DST: variants seen among roughly 807,000 people sequenced by gnomAD.
DST encodes dystonin, also known as bullous pemphigoid antigen.
Under a neutral mutation model 875.2 loss-of-function variants are expected in DST, and 253 were observed. The ratio of observed to expected loss-of-function variants is 0.29; its 90% CI spans 0.26 to 0.32. DST has a LOEUF of 0.32. Ranked by LOEUF, DST falls within the 10% of genes least tolerant of loss-of-function variation. The pLI, the probability that DST is intolerant of heterozygous loss-of-function variation, is 1.00. For synonymous variants in DST, 3,124 were observed against 3,197.1 expected, an observed-to-expected ratio of 0.98 and a Z score of 0.77; for missense variants, 8,287 against 9,111.6, an observed-to-expected ratio of 0.91 and a Z score of 3.68.
At position 56,487,122 on chromosome 6, in the gene DST, C is replaced by G; in HGVS notation, c.21029G>C (p.Cys7010Ser). 6.2e-7 allele frequency: 1 copy of G among 1,613,920 alleles called. No homozygotes were observed. The highest frequency in any genetic ancestry group is 8.5e-7 in the Non-Finnish European group (1 of 1,179,850). The change falls in exon 87 of 104, where the codon TGT becomes TCT. Residue 7010 changes from cysteine (C) to serine (S), a missense_variant. Around this residue, in one of 10 missense-constraint regions of DST, gnomAD observed 1,292 missense variants for 1,552.7 expected, o/e 0.83. Coordinates refer to ENST00000680361, the MANE Select transcript of DST (RefSeq NM_001374736.1). ...SELRDKWDTI[C>S]GKSVERQNKL... ...ATTTTACCTTTCCACAGATTTTCCACATATGGTATCCCATTTGTCTCTGAG... is the reference window on the plus strand; with the variant it reads ...ATTTTACCTTTCCACAGATTTTCCAGATATGGTATCCCATTTGTCTCTGAG...
Position 56,619,072 on chromosome 6 carries a change from C to T in DST, c.4930-4588G>A, listed in dbSNP as rs370912424. On this transcript the variant is annotated intron_variant, in intron 36 of 103. Coordinates refer to ENST00000680361, the MANE Select transcript of DST (RefSeq NM_001374736.1). ...ATTCACTTACCAAATTTTGACTTTTCGCCAGGTCTTCTTCTAGGCATTTAA... is the reference window on the plus strand; with the variant it reads ...ATTCACTTACCAAATTTTGACTTTTTGCCAGGTCTTCTTCTAGGCATTTAA... 83 of 1,614,014 alleles carry T rather than the reference C, an allele frequency of 5.1e-5. No homozygotes were observed. Among genetic ancestry groups the T allele is most frequent in the Middle Eastern group, 1.7e-4 (1 of 6,060 alleles).
Position 56,705,116 on chromosome 6 carries a change from T to G in DST, c.688-747A>C, listed in dbSNP as rs1427451728. Among the ~76,000 whole-genome samples, 4 of 152,180 alleles carry G rather than the reference T, an allele frequency of 2.6e-5. No homozygotes were observed. In the East Asian group the frequency reaches 7.7e-4, roughly 29 times the overall value. Reference sequence around the variant, plus strand: ...CAAAAGCTTTGTTTAGCCTGCCAAGTAGGGATAGCTCTAGTAACCACATGG... The same window carrying G: ...CAAAAGCTTTGTTTAGCCTGCCAAGGAGGGATAGCTCTAGTAACCACATGG... On this transcript the variant is annotated intron_variant, in intron 5 of 103. Coordinates refer to ENST00000680361, the MANE Select transcript of DST (RefSeq NM_001374736.1).
intron 3 of DST, among the ~76,000 whole-genome samples, chr6:56,881,424 G>A (rs1033583218): frequency 1.3e-5 from 2 of 152,072 alleles, no homozygotes; most frequent in Non-Finnish European, 2.9e-5. Context: ...AGTGAGCCAA[G>A]ACCATGCCAT....
Position 56,616,413 on chromosome 6 carries a change from C to T in DST, c.4930-1929G>A, listed in dbSNP as rs200347043. ...AGGTTTCTCTGGAAAGCCTCATACA[C>T]GGTCAATTCTGATCCTGTTTTAGTA... On this transcript the variant is annotated intron_variant, in intron 36 of 103. Coordinates refer to ENST00000680361, the MANE Select transcript of DST (RefSeq NM_001374736.1). 59 of 1,613,946 alleles carry T rather than the reference C, an allele frequency of 3.7e-5. No individual in the cohort carries two copies. Among genetic ancestry groups the T allele is most frequent in the Middle Eastern group, 3.3e-4 (2 of 6,062 alleles).
chr6:56,871,035 A>C (rs2127609618), intron 3 of DST, among the ~76,000 whole-genome samples: 1 of 152,274 alleles, frequency 6.6e-6, no homozygotes, highest in African/African-American at 2.4e-5. Context: ...AAAAACATAC[A>C]AACAACCAAA....
At chr6:56,881,106 C>T (rs947607961) in intron 3 of DST, among the ~76,000 whole-genome samples, 1 of 152,054 alleles carries the variant, frequency 6.6e-6, no homozygotes, top group Non-Finnish European at 1.5e-5. Context: ...GCCTCGGTCT[C>T]CCGAAGTGCT....
intron 2 of DST, among the ~76,000 whole-genome samples, chr6:56,944,024 G>GCT (rs1818128006): frequency 1.3e-5 from 2 of 152,068 alleles, no homozygotes; most frequent in Admixed American, 1.3e-4. Flanking sequence ...AGCTGAGGCA[G>GCT]GAGAATCACT....
At chr6:56,549,106 A>G (rs1335898852) in intron 61 of DST, among the ~76,000 whole-genome samples, 1 of 152,228 alleles carries the variant, frequency 6.6e-6, no homozygotes, top group Admixed American at 6.5e-5. Context: ...GAAGTCTATC[A>G]AACCTGCTTT....
At chr6:56,486,307 G>A (rs2095560950) in intron 87 of DST, among the ~76,000 whole-genome samples, 1 of 140,430 alleles carries the variant, frequency 7.1e-6, no homozygotes, top group Non-Finnish European at 1.5e-5. Context: ...AGCTCGCAGT[G>A]AGCCGAGATC....
chr6:56,492,598 G>A (rs373738770), intron 84 of DST, among the ~76,000 whole-genome samples, 165 bp from the exon 85 acceptor site: 12 of 152,296 alleles, frequency 7.9e-5, no homozygotes, highest in East Asian at 3.9e-4. Context: ...TCAGCCGGGT[G>A]CAGTGGCTCA....
chr6:56,617,320 C>T, intron 36 of DST: 1 of 1,613,950 alleles, frequency 6.2e-7, no homozygotes, highest in Non-Finnish European at 8.5e-7. Flanking sequence ...ATGCTCTGCA[C>T]CCTTCAAGCA....
At chr6:56,840,791 T>C (rs555149793) in intron 4 of DST, among the ~76,000 whole-genome samples, 1 of 152,330 alleles carries the variant, frequency 6.6e-6, no homozygotes, top group South Asian at 2.1e-4. Context: ...AATCTAATGC[T>C]CATAATTCCT....
intron 4 of DST, among the ~76,000 whole-genome samples, chr6:56,817,775 T>C (rs1056847983): frequency 1.3e-4 from 20 of 152,142 alleles, no homozygotes; most frequent in Admixed American, 5.2e-4. Flanking sequence ...TTCTAAAAAT[T>C]TCTGTGGCAA....
At chr6:56,780,081 T>G (rs1409710483) in intron 4 of DST, among the ~76,000 whole-genome samples, 1 of 151,912 alleles carries the variant, frequency 6.6e-6, no homozygotes, top group Non-Finnish European at 1.5e-5. Flanking sequence ...CTGCATAGTA[T>G]TCCATGGTGC....
intron 4 of DST, among the ~76,000 whole-genome samples, chr6:56,814,729 G>C (rs1206977251): frequency 6.6e-6 from 1 of 152,144 alleles, no homozygotes. Context: ...TTTGGCAGAA[G>C]ACTCCAAAGG....
At chr6:56,527,830 G>A in intron 67 of DST, 96 bp from the exon 68 acceptor site, 1 of 1,231,150 alleles carries the variant, frequency 8.1e-7, no homozygotes, top group Non-Finnish European at 1.1e-6. Flanking sequence ...AATTTCCACA[G>A]AACAAAAGGA....
At chr6:56,936,295 C>A (rs969366427) in intron 2 of DST, among the ~76,000 whole-genome samples, 1 of 152,192 alleles carries the variant, frequency 6.6e-6, no homozygotes, top group African/African-American at 2.4e-5. Flanking sequence ...ATGCATTGAG[C>A]AGCTACTTGA....
At chr6:56,623,641 A>T (rs2098709276) in intron 36 of DST, among the ~76,000 whole-genome samples, 1 of 152,322 alleles carries the variant, frequency 6.6e-6, no homozygotes, top group Admixed American at 6.5e-5. Flanking sequence ...AGTTACATTA[A>T]GCATAATCAC....
At chr6:56,909,984 G>T (rs1270618354) in intron 2 of DST, among the ~76,000 whole-genome samples, 1 of 152,158 alleles carries the variant, frequency 6.6e-6, no homozygotes, top group Admixed American at 6.5e-5. Context: ...GTATCTAGAA[G>T]ATACCGTTCT....
Sources: allele counts gnomAD v4.1 joint callset (sites outside exome capture counted in the v4.1 genomes callset), GRCh38; gene constraint gnomAD v4.1.1; regional missense constraint gnomAD v4.1.1; transcripts MANE v1.5; gene names NCBI Gene and HGNC (gene_info 2026-07-23, HGNC 2026-07-21).